PPP2R5A: variants seen among roughly 807,000 people sequenced by gnomAD.
PPP2R5A encodes protein phosphatase 2 regulatory subunit B'alpha.
A neutral mutation model predicts 64.2 loss-of-function variants in PPP2R5A; 25 were observed. That is an observed-to-expected ratio of 0.39 (90% CI 0.28 to 0.54). The LOEUF is 0.54. PPP2R5A is among the 20% of genes least tolerant of loss of function. The pLI, the probability that PPP2R5A is intolerant of heterozygous loss-of-function variation, is 0.67. For missense variants in PPP2R5A, 425 were observed against 576.3 expected (o/e 0.74, Z 2.69); for synonymous variants, 198 against 201.2 (o/e 0.98, Z 0.13).
chr1:212,324,957 GT>G (rs1352924623), intron 1 of PPP2R5A, among the ~76,000 whole-genome samples: 1 of 152,094 alleles, frequency 6.6e-6, no homozygotes, highest in Non-Finnish European at 1.5e-5. Context: ...TTATGTCGCT[GT>G]TGATATCCAG....
chr1:212,346,935 CTATA>C (rs1659785738), intron 5 of PPP2R5A, among the ~76,000 whole-genome samples: 1 of 152,102 alleles, frequency 6.6e-6, no homozygotes, highest in Admixed American at 6.6e-5. Context: ...GCTATGCAGC[CTATA>C]TAGTTAGAGG....
chr1:212,360,211 T>C (rs1660055129), intron 12 of PPP2R5A, among the ~76,000 whole-genome samples: 1 of 152,172 alleles, frequency 6.6e-6, no homozygotes, highest in African/African-American at 2.4e-5. Context: ...GATGTGGCTG[T>C]TAGTGGCAAA....
chr1:212,308,097 C>G (rs1048062861), intron 1 of PPP2R5A, among the ~76,000 whole-genome samples: 1 of 152,112 alleles, frequency 6.6e-6, no homozygotes, highest in Non-Finnish European at 1.5e-5. Flanking sequence ...TGCCTCAGCT[C>G]CCAAGCCTTC....
At chr1:212,344,052 A>G (rs1659732250) in intron 4 of PPP2R5A, among the ~76,000 whole-genome samples, 1 of 152,146 alleles carries the variant, frequency 6.6e-6, no homozygotes, top group Non-Finnish European at 1.5e-5. Context: ...GCTCACTGCA[A>G]CCTCGGCCTC....
In PPP2R5A at chr1:212,340,488, C is replaced by T. The variant is rs368838628; in HGVS notation, c.481-1700C>T. Among the ~76,000 whole-genome samples, 6 of 152,320 alleles carry T rather than the reference C, an allele frequency of 3.9e-5. No individual in the cohort carries two copies. In the South Asian group the frequency reaches 8.3e-4, roughly 21 times the overall value. On this transcript the variant is annotated intron_variant, in intron 3 of 12. Transcript: ENST00000261461. ...TTGTGCCGTTAATGAAACTGCATAG[C>T]AGTCCATGAGACTGTGCTGACTTTT...
At chr1:212,295,041 AT>A (rs1658667254) in intron 1 of PPP2R5A, among the ~76,000 whole-genome samples, 1 of 152,248 alleles carries the variant, frequency 6.6e-6, no homozygotes, top group South Asian at 2.1e-4. Context: ...TCTGTGGTAT[AT>A]TCTGTATCAC....
intron 1 of PPP2R5A, chr1:212,309,412 T>G: frequency 7.6e-7 from 1 of 1,317,986 alleles, no homozygotes; most frequent in South Asian, 1.2e-5. Flanking sequence ...CTTCTTTTTT[T>G]TGTGGCTGTG....
chr1:212,360,876 C>A lies in PPP2R5A; in HGVS notation c.*106C>A. On this transcript the variant is annotated 3_prime_UTR_variant, in exon 13 of 13. Coordinates refer to ENST00000261461, the MANE Select transcript of PPP2R5A (RefSeq NM_006243.4). Reference sequence around the variant, plus strand: ...CATCAGTATAATATAATTAAAAGGCCAATTTTTTCTGGCAACTGTAAATGG... The same window carrying A: ...CATCAGTATAATATAATTAAAAGGCAAATTTTTTCTGGCAACTGTAAATGG... 2.6e-6 allele frequency: 3 copies of A among 1,145,118 alleles called. No homozygotes were observed. Among genetic ancestry groups the A allele is most frequent in the South Asian group, 2.8e-5 (1 of 35,998 alleles). The allele number at this position is 1,145,118 out of a possible 1,614,324, so 70.9% of individuals were successfully genotyped here.
At chr1:212,295,280 G>A (rs761175753) in intron 1 of PPP2R5A, among the ~76,000 whole-genome samples, 10 of 152,054 alleles carry the variant, frequency 6.6e-5, no homozygotes, top group Non-Finnish European at 1.3e-4. Flanking sequence ...CTGGTGAGAG[G>A]GAACAATCAA....
At position 212,342,289 on chromosome 1, in the gene PPP2R5A, C is replaced by T. The variant is rs1259501313; in HGVS notation, c.573+9C>T. The T allele has an allele frequency of 3.1e-6, 5 of 1,609,940 alleles. No individual in the cohort carries two copies. The highest frequency in any genetic ancestry group is 2.2e-5 in the South Asian group (2 of 90,270). The stretch of plus-strand genomic sequence containing the variant: ...AGAAATTCGTACAACAGGTAAGGAA[C>T]TCTTTTGTCTTAGATTCTCATATAT... On this transcript the variant is annotated intron_variant, in intron 4 of 12. Coordinates refer to ENST00000261461, the MANE Select transcript of PPP2R5A (RefSeq NM_006243.4).
At chr1:212,318,978 T>C (rs1252447614) in intron 1 of PPP2R5A, among the ~76,000 whole-genome samples, 3 of 152,236 alleles carry the variant, frequency 2.0e-5, no homozygotes, top group East Asian at 1.9e-4. Context: ...TGTATACTTA[T>C]AAATTTATGT....
chr1:212,310,573 C>G (rs550691200), intron 1 of PPP2R5A, among the ~76,000 whole-genome samples: 1 of 152,308 alleles, frequency 6.6e-6, no homozygotes, highest in African/African-American at 2.4e-5. Flanking sequence ...ATGCTTCTTT[C>G]TGAAACCCTG....
In PPP2R5A at chr1:212,320,634, TGCCTCCCTCCCC is replaced by T. The variant is rs1166852515; in HGVS notation, c.182-8489_182-8478del. Among the ~76,000 whole-genome samples the T allele has an allele frequency of 5.7e-4, 80 of 140,870 alleles. 1 individual carries two copies. The highest frequency in any genetic ancestry group is 2.4e-3 in the Admixed American group (35 of 14,386). The allele number at this position is 140,870 out of a possible 152,430, so 92.4% of individuals were successfully genotyped here. Reference sequence around the variant, plus strand: ...TGGCCGGGCGGGGGGCTGACCTCCCTGCCTCCCTCCCCGCCTCCCTCCCGGATGGGGCGGCTG... The same window carrying T: ...TGGCCGGGCGGGGGGCTGACCTCCCTGCCTCCCTCCCGGATGGGGCGGCTG... On this transcript the variant is annotated intron_variant, in intron 1 of 12. Coordinates refer to ENST00000261461, the MANE Select transcript of PPP2R5A (RefSeq NM_006243.4).
intron 9 of PPP2R5A, 49 bp downstream of exon 9, chr1:212,356,725 C>A: frequency 1.3e-6 from 2 of 1,571,306 alleles, no homozygotes; most frequent in South Asian, 2.3e-5. Flanking sequence ...ACTTGTCAAT[C>A]CCAGGGCTAT....
At chr1:212,293,796 A>G (rs946396587) in intron 1 of PPP2R5A, among the ~76,000 whole-genome samples, 3 of 152,020 alleles carry the variant, frequency 2.0e-5, no homozygotes, top group Admixed American at 6.6e-5. Context: ...AATTGCCGCT[A>G]CTATATAACC....
At chr1:212,328,077 A>G (rs1245032528) in intron 1 of PPP2R5A, among the ~76,000 whole-genome samples, 1 of 152,226 alleles carries the variant, frequency 6.6e-6, no homozygotes, top group Non-Finnish European at 1.5e-5. Flanking sequence ...GGCCTCCCAA[A>G]ATGCTGGGAT....
chr1:212,356,762 A>G, intron 9 of PPP2R5A, 86 bp downstream of exon 9: 1 of 1,453,510 alleles, frequency 6.9e-7, no homozygotes, highest in East Asian at 2.3e-5. Context: ...GGCTGGCTGT[A>G]TTGCTGTTGC....
At chr1:212,338,488 G>A (rs1013785305) in intron 3 of PPP2R5A, among the ~76,000 whole-genome samples, 3 of 151,974 alleles carry the variant, frequency 2.0e-5, no homozygotes, top group African/African-American at 4.8e-5. Flanking sequence ...AGTGGCTCAC[G>A]CCCACTTGTA....
intron 1 of PPP2R5A, among the ~76,000 whole-genome samples, chr1:212,291,225 A>G (rs1272234318): frequency 2.0e-5 from 3 of 151,750 alleles, no homozygotes; most frequent in African/African-American, 7.3e-5. Flanking sequence ...ATTCTCTTGC[A>G]TGCACCACCA....
Sources: gnomAD v4.1 joint callset for allele counts (sites outside exome capture counted in the v4.1 genomes callset) on GRCh38, gnomAD v4.1.1 for gene constraint, MANE v1.5 for transcripts, NCBI Gene and HGNC (gene_info 2026-07-23, HGNC 2026-07-21) for gene names.